KRTAP3-3: variants seen among roughly 807,000 people sequenced by gnomAD.
The protein encoded by KRTAP3-3 is keratin-associated protein 3-3.
Under a neutral mutation model 5.7 loss-of-function variants are expected in KRTAP3-3, and 8 were observed. That is an observed-to-expected ratio of 1.40 (90% CI 0.82 to 2.52). The LOEUF (loss-of-function observed/expected upper bound fraction) is 2.52, where lower values mean the gene tolerates loss of function less well. KRTAP3-3 is among the 30% of genes most tolerant of loss of function. KRTAP3-3 has a pLI of 0.00. For missense variants in KRTAP3-3, 98 were observed against 121.5 expected, an observed-to-expected ratio of 0.81 and a Z score of 0.91; for synonymous variants, 49 against 47.0, an observed-to-expected ratio of 1.04 and a Z score of -0.17.
rs1912753167 is a variant in KRTAP3-3 at position 40,993,606 on chromosome 17, C to A, written c.*195G>T. 1.3e-6 allele frequency: 1 copy of A among 772,994 alleles called. No individual in the cohort carries two copies. Among genetic ancestry groups the A allele is most frequent in the Non-Finnish European group, 2.0e-6 (1 of 502,128 alleles). 47.9% of individuals were successfully genotyped at this position (772,994 alleles called of 1,614,324 possible). A position where few individuals can be genotyped will look rare whatever the true frequency, so the allele number is the denominator to read the frequency against. ...AGCTATAGGCATCCACTGATTCAAA[C>A]TGCAGTTGGTTATAGCTGAATGGTC... On this transcript the variant is annotated 3_prime_UTR_variant, in exon 1 of 1. Transcript: ENST00000391586.
In KRTAP3-3 at chr17:40,993,779, C is replaced by T. The variant is rs765499038; in HGVS notation, c.*22G>A. The T allele has an allele frequency of 2.5e-6, 4 of 1,611,324 alleles. No homozygotes were observed. The South Asian group carries it at 4.4e-5, about 18-fold the overall frequency. ...CTATGTTGACTTTTTCAATCTCAGG[C>T]ACTGAGCAAAGTAGCCATCCATTAG... On this transcript the variant is annotated 3_prime_UTR_variant, in exon 1 of 1. Coordinates refer to ENST00000391586, the MANE Select transcript of KRTAP3-3 (RefSeq NM_033185.3).
chr17:40,994,031 C>T lies in KRTAP3-3; in HGVS notation c.67G>A (p.Asp23Asn), dbSNP rs1293396274. ...CAGACTCCACAGCGGCAGGATTTGTCAGAGGAGCAGATGGTGGTGGCAGGC... is the reference window on the plus strand; with the variant it reads ...CAGACTCCACAGCGGCAGGATTTGTTAGAGGAGCAGATGGTGGTGGCAGGC... ...TGPATTICSS[D>N]KSCRCGVCLP... The change falls in exon 1 of 1, where the codon GAC (aspartate) becomes AAC (asparagine). Residue 23 changes from aspartate (D) to asparagine (N), a missense_variant. By Grantham distance (23) the Asp-to-Asn change is conservative. Coordinates refer to ENST00000391586, the MANE Select transcript of KRTAP3-3 (RefSeq NM_033185.3). The T allele has an allele frequency of 2.5e-6, 4 of 1,614,148 alleles. No homozygotes were observed. The highest frequency in any genetic ancestry group is 1.7e-5 in the Admixed American group (1 of 60,030).
Position 40,993,803 on chromosome 17 carries a change from A to C in KRTAP3-3, c.295T>G (p.Ter99GluextTer9), listed in dbSNP as rs756911528. The change falls in exon 1 of 1, where the codon TAA (stop) becomes GAA (glutamate). Residue 99 changes from the stop codon to glutamate, a stop_lost. Coordinates refer to ENST00000391586, the MANE Select transcript of KRTAP3-3 (RefSeq NM_033185.3). ...GCACTGAGCAAAGTAGCCATCCATT[A>C]GCAGCCTCTTGGGAGGCAGGGCTCA... ...CCEPCLPRGC[*>E] 1.2e-6 allele frequency: 2 copies of C among 1,613,794 alleles called. No individual in the cohort carries two copies. The highest frequency in any genetic ancestry group is 3.3e-5 in the Admixed American group (2 of 60,020).
chr17:40,993,775 C>T lies in KRTAP3-3; in HGVS notation c.*26G>A, dbSNP rs370249261. 8 of 1,610,230 alleles carry T rather than the reference C, an allele frequency of 5.0e-6. No homozygotes were observed. In the African/African-American group the frequency reaches 9.4e-5, roughly 19 times the overall value. Reference sequence around the variant, plus strand: ...GCTTCTATGTTGACTTTTTCAATCTCAGGCACTGAGCAAAGTAGCCATCCA... The same window carrying T: ...GCTTCTATGTTGACTTTTTCAATCTTAGGCACTGAGCAAAGTAGCCATCCA... On this transcript the variant is annotated 3_prime_UTR_variant, in exon 1 of 1. Coordinates refer to ENST00000391586, the MANE Select transcript of KRTAP3-3 (RefSeq NM_033185.3).
In KRTAP3-3 at chr17:40,993,516, A is replaced by C; in HGVS notation, c.*285T>G. On this transcript the variant is annotated 3_prime_UTR_variant, in exon 1 of 1. Coordinates refer to ENST00000391586, the MANE Select transcript of KRTAP3-3 (RefSeq NM_033185.3). The stretch of plus-strand genomic sequence containing the variant: ...AGAAAGATACCACCCAAGACTGAAA[A>C]CAGAATTCCCAAACCACCCACAGAA... 6.6e-6 allele frequency: 3 copies of C among 455,004 alleles called. No homozygotes were observed. Among genetic ancestry groups the C allele is most frequent in the Non-Finnish European group, 1.2e-5 (3 of 259,776 alleles). 28.2% of individuals were successfully genotyped at this position (455,004 alleles called of 1,614,324 possible). A position where few individuals can be genotyped will look rare whatever the true frequency, so the allele number is the denominator to read the frequency against.
In KRTAP3-3 at chr17:40,993,693, T is replaced by C. The variant is rs566144107; in HGVS notation, c.*108A>G. 1.4e-5 allele frequency: 21 copies of C among 1,479,358 alleles called. No homozygotes were observed. The highest frequency in any genetic ancestry group is 1.9e-5 in the Non-Finnish European group (21 of 1,102,558). The allele number at this position is 1,479,358 out of a possible 1,614,324, so 91.6% of individuals were successfully genotyped here. ...GTGATTGTGGTAGTACCATCCTTGT[T>C]CCAATTTCTAAAGCAGAGTACATTA... On this transcript the variant is annotated 3_prime_UTR_variant, in exon 1 of 1. Transcript: ENST00000391586.
In KRTAP3-3 at chr17:40,994,089, G is replaced by T. The variant is rs1394778629; in HGVS notation, c.9C>A (p.Cys3Ter). Residue 3 changes from cysteine (C) to a stop codon, truncating the protein, a stop_gained, in exon 1 of 1, where the codon TGC becomes TGA. Coordinates refer to ENST00000391586, the MANE Select transcript of KRTAP3-3 (RefSeq NM_033185.3). LOFTEE classifies it high-confidence loss of function. ...GGACACTGCAGCCTCGAGAGGCACA[G>T]CAATCCATGGCTATTAGAGTCTGTG... The part of the protein sequence containing the change: MD[C>*]CASRGCSVPT... The T allele has an allele frequency of 6.2e-7, 1 of 1,614,150 alleles. No individual in the cohort carries two copies. The highest frequency in any genetic ancestry group is 1.7e-5 in the Admixed American group (1 of 60,024).
In KRTAP3-3 at chr17:40,993,940, G is replaced by A. The variant is rs763379286; in HGVS notation, c.158C>T (p.Pro53Leu). Reference protein sequence around the residue: ...LEPTCCDNCPPPCHIPQPCVP... With the variant: ...LEPTCCDNCPLPCHIPQPCVP... ...GCAGGGCTGAGGAATGTGGCAGGGT[G>A]GGGGACAGTTGTCACAGCAGGTGGG... Residue 53 changes from proline to leucine, a missense_variant, in exon 1 of 1, where the codon CCA (proline) becomes CTA (leucine). By Grantham distance (98) the Pro-to-Leu change is moderately conservative. Coordinates refer to ENST00000391586, the MANE Select transcript of KRTAP3-3 (RefSeq NM_033185.3). 6 of 1,614,086 alleles carry A rather than the reference G, an allele frequency of 3.7e-6. No homozygotes were observed. The highest frequency in any genetic ancestry group is 1.7e-5 in the Admixed American group (1 of 60,020).
At position 40,993,558 on chromosome 17, in the gene KRTAP3-3, G is replaced by A. The variant is rs190063783; in HGVS notation, c.*243C>T. ...CCCACAGAAAGAGACACTTTAATAT[G>A]AAGGAATCGAACAGCTTCAGGAAGC... On this transcript the variant is annotated 3_prime_UTR_variant, in exon 1 of 1. Transcript: ENST00000391586. 4.7e-4 allele frequency: 255 copies of A among 541,264 alleles called. No homozygotes were observed. Among genetic ancestry groups the A allele is most frequent in the Non-Finnish European group, 8.2e-5 (26 of 316,808 alleles). The allele number at this position is 541,264 out of a possible 1,614,324, so 33.5% of individuals were successfully genotyped here.
Position 40,993,924 on chromosome 17 carries a change from A to G in KRTAP3-3, c.174T>C (p.Pro58=). 1 of 1,614,064 alleles carries G rather than the reference A, an allele frequency of 6.2e-7. No individual in the cohort carries two copies. The highest frequency in any genetic ancestry group is 8.5e-7 in the Non-Finnish European group (1 of 1,180,010). Residue 58 remains proline (P), a synonymous_variant, in exon 1 of 1, where the codon CCT becomes CCC. Transcript: ENST00000391586. ...CDNCPPPCHI[P]QPCVPTCFLL... is the part of the protein sequence containing the mutation. ...GGAAGCAGGTGGGCACGCAGGGCTG[A>G]GGAATGTGGCAGGGTGGGGGACAGT... is the stretch of plus-strand genomic sequence containing the variant.
chr17:40,993,763 C>G lies in KRTAP3-3; in HGVS notation c.*38G>C. 3.7e-6 allele frequency: 6 copies of G among 1,603,342 alleles called. No individual in the cohort carries two copies. Among genetic ancestry groups the G allele is most frequent in the Non-Finnish European group, 4.3e-6 (5 of 1,173,124 alleles). On this transcript the variant is annotated 3_prime_UTR_variant, in exon 1 of 1. Transcript: ENST00000391586. ...GTGAATGCTAAAGCTTCTATGTTGA[C>G]TTTTTCAATCTCAGGCACTGAGCAA... is the stretch of plus-strand genomic sequence containing the variant.
Position 40,993,639 on chromosome 17 carries a change from G to A in KRTAP3-3, c.*162C>T, listed in dbSNP as rs1912754165. On this transcript the variant is annotated 3_prime_UTR_variant, in exon 1 of 1. Transcript: ENST00000391586. ...GGTTATAGCTGAATGGTCATTGAAAGTTTCTTGGTCTCTTTTTTTTTGCAG... is the reference window on the plus strand; with the variant it reads ...GGTTATAGCTGAATGGTCATTGAAAATTTCTTGGTCTCTTTTTTTTTGCAG... 1.8e-6 allele frequency: 2 copies of A among 1,142,400 alleles called. No individual in the cohort carries two copies. The highest frequency in any genetic ancestry group is 2.6e-5 in the East Asian group (1 of 38,876). 70.8% of individuals were successfully genotyped at this position (1,142,400 alleles called of 1,614,324 possible).
rs1418019582 is a variant in KRTAP3-3, at chr17:40,994,161, G to A, written c.-64C>T. On this transcript the variant is annotated 5_prime_UTR_variant, in exon 1 of 1. Coordinates refer to ENST00000391586, the MANE Select transcript of KRTAP3-3 (RefSeq NM_033185.3). Reference sequence around the variant, plus strand: ...AAGAAGGATAAGGCTTCTGAGGTGTGAATATCTCTCCTTTCTCTGGGGCTC... The same window carrying A: ...AAGAAGGATAAGGCTTCTGAGGTGTAAATATCTCTCCTTTCTCTGGGGCTC... 20 of 1,568,866 alleles carry A rather than the reference G, an allele frequency of 1.3e-5. No individual in the cohort carries two copies. Among genetic ancestry groups the A allele is most frequent in the African/African-American group, 4.1e-5 (3 of 73,950 alleles).
Position 40,994,024 on chromosome 17 carries a change from G to C in KRTAP3-3, c.74C>G (p.Ser25Cys). The C allele has an allele frequency of 1.2e-6, 2 of 1,614,194 alleles. No individual in the cohort carries two copies. The highest frequency in any genetic ancestry group is 2.2e-5 in the South Asian group (2 of 91,084). ...PATTICSSDK[S>C]CRCGVCLPST... ...GGGCAGGCAGACTCCACAGCGGCAG[G>C]ATTTGTCAGAGGAGCAGATGGTGGT... The change falls in exon 1 of 1, where the codon TCC (serine) becomes TGC (cysteine). Residue 25 changes from serine (S) to cysteine (C), a missense_variant. Ser to Cys is a moderately radical substitution (Grantham distance 112). Transcript: ENST00000391586.
chr17:40,994,093 T>C lies in KRTAP3-3; in HGVS notation c.5A>G (p.Asp2Gly), dbSNP rs1228068647. The change falls in exon 1 of 1, where the codon GAT (aspartate) becomes GGT (glycine). Residue 2 changes from aspartate (D) to glycine (G), a missense_variant. Coordinates refer to ENST00000391586, the MANE Select transcript of KRTAP3-3 (RefSeq NM_033185.3). Reference protein sequence around the residue: MDCCASRGCSVP... With the variant: MGCCASRGCSVP... ...ACTGCAGCCTCGAGAGGCACAGCAA[T>C]CCATGGCTATTAGAGTCTGTGGTAT... 2 of 1,613,968 alleles carry C rather than the reference T, an allele frequency of 1.2e-6. No homozygotes were observed. Among genetic ancestry groups the C allele is most frequent in the Non-Finnish European group, 1.7e-6 (2 of 1,180,008 alleles).
rs746956366 is a variant in KRTAP3-3 at position 40,994,076 on chromosome 17, C to T, written c.22G>A (p.Gly8Ser). The change falls in exon 1 of 1, where the codon GGC becomes AGC. Residue 8 changes from glycine to serine, a missense_variant. Gly to Ser is a moderately conservative substitution (Grantham distance 56, BLOSUM62 0). Coordinates refer to ENST00000391586, the MANE Select transcript of KRTAP3-3 (RefSeq NM_033185.3). Reference sequence around the variant, plus strand: ...GCAGGCCCGGTGGGGACACTGCAGCCTCGAGAGGCACAGCAATCCATGGCT... The same window carrying T: ...GCAGGCCCGGTGGGGACACTGCAGCTTCGAGAGGCACAGCAATCCATGGCT... MDCCASRGCSVPTGPATT... is the reference protein window; with the variant it reads MDCCASRSCSVPTGPATT... The T allele has an allele frequency of 1.1e-5, 17 of 1,613,994 alleles. No individual in the cohort carries two copies. The African/African-American group carries it at 1.6e-4, about 15-fold the overall frequency.
chr17:40,993,650 TC>T lies in KRTAP3-3; in HGVS notation c.*150del. On this transcript the variant is annotated 3_prime_UTR_variant, in exon 1 of 1. Coordinates refer to ENST00000391586, the MANE Select transcript of KRTAP3-3 (RefSeq NM_033185.3). ...AATGGTCATTGAAAGTTTCTTGGTC[TC>T]TTTTTTTTTGCAGGGGGTGATTGTG... The T allele has an allele frequency of 8.2e-7, 1 of 1,223,040 alleles. No individual in the cohort carries two copies. The highest frequency in any genetic ancestry group is 1.1e-6 in the Non-Finnish European group (1 of 896,910). 75.8% of individuals were successfully genotyped at this position (1,223,040 alleles called of 1,614,324 possible).
chr17:40,993,768 T>C lies in KRTAP3-3; in HGVS notation c.*33A>G, dbSNP rs1440274717. 6.2e-7 allele frequency: 1 copy of C among 1,605,122 alleles called. No homozygotes were observed. The highest frequency in any genetic ancestry group is 1.7e-5 in the Admixed American group (1 of 59,532). ...TGCTAAAGCTTCTATGTTGACTTTT[T>C]CAATCTCAGGCACTGAGCAAAGTAG... is the stretch of plus-strand genomic sequence containing the variant. On this transcript the variant is annotated 3_prime_UTR_variant, in exon 1 of 1. Transcript: ENST00000391586.
rs553534905 is a variant in KRTAP3-3, at chr17:40,993,878, T to A, written c.220A>T (p.Thr74Ser). ...TCFLLNSCQP[T>S]PGLETLNLTT... is the part of the protein sequence containing the mutation. ...AGGTTGAGGGTCTCCAGGCCTGGAG[T>A]TGGCTGGCAGGAGTTGAGCAGGAAG... The change falls in exon 1 of 1, where the codon ACT (threonine) becomes TCT (serine). Residue 74 changes from threonine to serine, a missense_variant. By Grantham distance (58) the Thr-to-Ser change is moderately conservative (BLOSUM62 1). Transcript: ENST00000391586. 1.9e-6 allele frequency: 3 copies of A among 1,613,708 alleles called. No homozygotes were observed. In the South Asian group the frequency reaches 3.3e-5, roughly 18 times the overall value.
Sources: allele counts gnomAD v4.1 joint callset, GRCh38; gene constraint gnomAD v4.1.1; transcripts MANE v1.5; gene names NCBI Gene and HGNC (gene_info 2026-07-23, HGNC 2026-07-21).